The following LRRTM4 variants were observed in gnomAD, a reference collection of about 807,000 sequenced individuals.
The protein encoded by LRRTM4 is leucine rich repeat transmembrane neuronal 4.
Under a neutral mutation model 47.6 loss-of-function variants are expected in LRRTM4, and 25 were observed. That is an observed-to-expected ratio of 0.53 (90% CI 0.38 to 0.73). The LOEUF is 0.73. Among genes scored for constraint, LRRTM4 ranks in the 30% least tolerant of loss-of-function variants. LRRTM4 has a pLI of 0.00. For synonymous variants in LRRTM4, 311 were observed against 269.5 expected (o/e 1.15, Z -1.51); for missense variants, 638 against 713.4 (o/e 0.89, Z 1.20).
chr2:76,851,503 C>A (rs1671993725), intron 3 of LRRTM4, among the ~76,000 whole-genome samples: 1 of 152,056 alleles, frequency 6.6e-6, no homozygotes, highest in East Asian at 1.9e-4. Flanking sequence ...CTGGCTTGTC[C>A]TTACCGTTGC....
chr2:77,081,033 A>G (rs918530385), intron 3 of LRRTM4, among the ~76,000 whole-genome samples: 1 of 152,068 alleles, frequency 6.6e-6, no homozygotes, highest in African/African-American at 2.4e-5. Context: ...CTTTAATTGC[A>G]ATTTCTCAAT....
chr2:77,392,541 C>A (rs1673544908), intron 3 of LRRTM4, among the ~76,000 whole-genome samples: 1 of 151,952 alleles, frequency 6.6e-6, no homozygotes, highest in Non-Finnish European at 1.5e-5. Context: ...ACAAAAGAAG[C>A]CAGACAGAAG....
chr2:77,505,299 C>A (rs970743455), intron 3 of LRRTM4, among the ~76,000 whole-genome samples: 1 of 151,026 alleles, frequency 6.6e-6, no homozygotes, highest in Non-Finnish European at 1.5e-5. Context: ...GCTAAAAATT[C>A]ATTTGGTAAA....
intron 3 of LRRTM4, among the ~76,000 whole-genome samples, chr2:76,786,574 C>T (rs1326826452): frequency 6.6e-6 from 1 of 151,982 alleles, no homozygotes; most frequent in South Asian, 2.1e-4. Flanking sequence ...CTTTTACCTA[C>T]ATTAACAAAC....
chr2:77,018,162 T>G (rs1301988891), intron 3 of LRRTM4, among the ~76,000 whole-genome samples: 1 of 151,672 alleles, frequency 6.6e-6, no homozygotes, highest in Non-Finnish European at 1.5e-5. Context: ...TAATTTCTGT[T>G]GTGTGATGAA....
intron 3 of LRRTM4, among the ~76,000 whole-genome samples, chr2:76,966,054 A>C (rs1325604364): frequency 1.3e-5 from 2 of 151,508 alleles, no homozygotes; most frequent in Non-Finnish European, 3.0e-5. Context: ...ATATGACAAC[A>C]ATTTTAGGAA....
intron 3 of LRRTM4, among the ~76,000 whole-genome samples, chr2:77,440,979 C>A (rs1290801494): frequency 6.6e-6 from 1 of 152,226 alleles, no homozygotes; most frequent in African/African-American, 2.4e-5. Flanking sequence ...CATGTTGTAG[C>A]TATTTACATT....
chr2:77,321,553 G>GA (rs1553428210), intron 3 of LRRTM4, among the ~76,000 whole-genome samples: 3 of 71,256 alleles, frequency 4.2e-5, no homozygotes, highest in African/African-American at 3.1e-4. Context: ...AAATCGGGGA[G>GA]GGGGGGGGGT....
At chr2:77,446,294 T>A (rs1676048466) in intron 3 of LRRTM4, among the ~76,000 whole-genome samples, 1 of 152,028 alleles carries the variant, frequency 6.6e-6, no homozygotes. Context: ...TACAGCAGCA[T>A]CTCTAGTCTC....
Position 77,518,552 on chromosome 2 carries a change from G to A in LRRTM4, c.1317C>T (p.Ile439=), listed in dbSNP as rs577502132. The part of the protein sequence containing the change: ...SVALFLSVAM[I]LLVIYVSWKR... Reference sequence around the variant, plus strand: ...TCCAAGACACATAGATCACCAAGAGGATCATGGCCACTGAGAGAAAGAGAG... The same window carrying A: ...TCCAAGACACATAGATCACCAAGAGAATCATGGCCACTGAGAGAAAGAGAG... The change falls in exon 3 of 4, where the codon ATC becomes ATT. Residue 439 remains isoleucine, a synonymous_variant. Coordinates refer to ENST00000409884, the MANE Select transcript of LRRTM4 (RefSeq NM_001134745.3). 6.2e-7 allele frequency: 1 copy of A among 1,613,362 alleles called. No homozygotes were observed. The highest frequency in any genetic ancestry group is 1.3e-5 in the African/African-American group (1 of 74,960).
In LRRTM4 at chr2:77,221,697, T is replaced by C. The variant is rs574104469; in HGVS notation, c.1551+296621A>G. On this transcript the variant is annotated intron_variant, in intron 3 of 3. Coordinates refer to ENST00000409884, the MANE Select transcript of LRRTM4 (RefSeq NM_001134745.3). Reference sequence around the variant, plus strand: ...TGCACCCAATACAGGAGCACCCAGATTCATAAAGCAAGTCCTGAGTGACCT... The same window carrying C: ...TGCACCCAATACAGGAGCACCCAGACTCATAAAGCAAGTCCTGAGTGACCT... 5.0e-3 allele frequency among the ~76,000 whole-genome samples: 766 copies of C among 152,000 alleles called. 7 individuals carry two copies. The highest frequency in any genetic ancestry group is 5.3e-3 in the Non-Finnish European group (360 of 67,958).
chr2:77,261,491 A>G (rs1232580157), intron 3 of LRRTM4, among the ~76,000 whole-genome samples: 2 of 152,094 alleles, frequency 1.3e-5, no homozygotes, highest in East Asian at 3.9e-4. Flanking sequence ...TGGTCCCTGA[A>G]TAAGAAGATT....
chr2:77,150,010 T>G (rs375233938), intron 3 of LRRTM4, among the ~76,000 whole-genome samples: 1 of 152,150 alleles, frequency 6.6e-6, no homozygotes. Context: ...TTATTCCTCA[T>G]TAATTTGTAC....
chr2:77,426,476 A>G (rs1483119823), intron 3 of LRRTM4, among the ~76,000 whole-genome samples: 3 of 151,972 alleles, frequency 2.0e-5, no homozygotes, highest in Admixed American at 6.6e-5. Flanking sequence ...CAACTTTCCC[A>G]TTTACCAACT....
intron 3 of LRRTM4, among the ~76,000 whole-genome samples, chr2:77,186,385 T>C (rs1673506349): frequency 6.6e-6 from 1 of 152,164 alleles, no homozygotes; most frequent in Admixed American, 6.6e-5. Context: ...TTGAAATGCA[T>C]GATGCACATG....
chr2:77,168,023 C>T (rs1672938550), intron 3 of LRRTM4, among the ~76,000 whole-genome samples: 1 of 152,138 alleles, frequency 6.6e-6, no homozygotes, highest in African/African-American at 2.4e-5. Flanking sequence ...TTTTTCCGCT[C>T]CGACTGAATT....
chr2:77,018,347 C>A (rs1045706982), intron 3 of LRRTM4, among the ~76,000 whole-genome samples: 1 of 136,564 alleles, frequency 7.3e-6, no homozygotes, highest in African/African-American at 2.8e-5. Flanking sequence ...TTCTTTGATA[C>A]CAGCAGGACT....
intron 2 of LRRTM4, among the ~76,000 whole-genome samples, chr2:77,520,449 C>G (rs1679439846): frequency 6.6e-6 from 1 of 151,998 alleles, no homozygotes; most frequent in African/African-American, 2.4e-5. Flanking sequence ...GTATAGGCAG[C>G]CAATGAAGCA....
At chr2:77,279,266 C>G (rs547586319) in intron 3 of LRRTM4, among the ~76,000 whole-genome samples, 2 of 152,038 alleles carry the variant, frequency 1.3e-5, no homozygotes, top group Admixed American at 6.6e-5. Flanking sequence ...TATCAGGGGA[C>G]AGAAAAAATA....
Sources: allele counts gnomAD v4.1 joint callset (sites outside exome capture counted in the v4.1 genomes callset), GRCh38; gene constraint gnomAD v4.1.1; transcripts MANE v1.5; gene names NCBI Gene and HGNC (gene_info 2026-07-23, HGNC 2026-07-21).